Variants in PCDH17 observed in about 807,000 individuals in gnomAD.
PCDH17 encodes the protein protocadherin-17.
A neutral mutation model predicts 67.7 loss-of-function variants in PCDH17; 21 were observed. The observed-to-expected ratio is 0.31, with a 90% CI of 0.22 to 0.45. PCDH17 has a LOEUF of 0.45. Among genes scored for constraint, PCDH17 ranks in the 20% least tolerant of loss-of-function variants. The pLI is 1.00. For synonymous variants in PCDH17, 701 were observed against 656.7 expected (o/e 1.07, Z -1.03); for missense variants, 1,471 against 1,564.8 (o/e 0.94, Z 1.01).
chr13:57,712,767 T>A (rs1189345487), intron 3 of PCDH17, among the ~76,000 whole-genome samples: 1 of 151,670 alleles, frequency 6.6e-6, no homozygotes, highest in Non-Finnish European at 1.5e-5. Context: ...TATATTAATA[T>A]GAATTCCTTT....
At position 57,634,638 on chromosome 13, in the gene PCDH17, G is replaced by A. The variant is rs1156418250; in HGVS notation, c.2092G>A (p.Glu698Lys). Reference protein sequence around the residue: ...LPEGVPRVNGEQHHWDMSLPL... With the variant: ...LPEGVPRVNGKQHHWDMSLPL... ...CGAGGGGGTACCACGGGTGAATGGC[G>A]AGCAGCACCACTGGGACATGTCGCT... Residue 698 changes from glutamate (E) to lysine (K), a missense_variant, in exon 1 of 4, where the codon GAG becomes AAG. By Grantham distance (56) the Glu-to-Lys change is moderately conservative. Transcript: ENST00000377918. This position sits in a 1 kb window ranked among gnomAD's most constrained non-coding sequence, Gnocchi z 7.8. 1.2e-6 allele frequency: 2 copies of A among 1,613,408 alleles called. No homozygotes were observed. Among genetic ancestry groups the A allele is most frequent in the Non-Finnish European group, 1.7e-6 (2 of 1,180,004 alleles).
At chr13:57,631,709 G>A (rs945964135), upstream of PCDH17, 8 of 152,346 alleles carry the variant, frequency 5.3e-5, no homozygotes, top group African/African-American at 1.9e-4. Context: ...GGTGGGGAGA[G>A]GAAACTACAA....
At chr13:57,670,983 T>A (rs931612922) in intron 3 of PCDH17, among the ~76,000 whole-genome samples, 13 of 151,984 alleles carry the variant, frequency 8.6e-5, no homozygotes, top group African/African-American at 3.1e-4. Flanking sequence ...GATGTAATGT[T>A]AATAAACCCG....
In PCDH17 at chr13:57,686,436, T is replaced by C. The variant is rs541735971; in HGVS notation, c.2797+19603T>C. On this transcript the variant is annotated intron_variant, in intron 3 of 3. Transcript: ENST00000377918. Reference sequence around the variant, plus strand: ...GCATAACATAATTAATGCAGTAATTTAGGAAAGCTTTTGCAATGACTCTAC... The same window carrying C: ...GCATAACATAATTAATGCAGTAATTCAGGAAAGCTTTTGCAATGACTCTAC... Among the ~76,000 whole-genome samples the C allele has an allele frequency of 2.0e-3, 297 of 152,028 alleles. 2 individuals carry two copies. The highest frequency in any genetic ancestry group is 7.0e-3 in the African/African-American group (289 of 41,508).
Position 57,725,304 on chromosome 13 carries a change from A to AAG in PCDH17, c.*11_*12insGA, listed in dbSNP as rs1467238479. The AAG allele has an allele frequency of 6.3e-7, 1 of 1,585,832 alleles. No individual in the cohort carries two copies. The highest frequency in any genetic ancestry group is 1.9e-5 in the Admixed American group (1 of 53,976). On this transcript the variant is annotated 3_prime_UTR_variant, in exon 4 of 4. Transcript: ENST00000377918. ...GGCTGTGAGAAAGTGAAAAAAGAAA[A>AAG]AAAAAAAGGCATTGGCATTTTCTTG...
intron 1 of PCDH17, among the ~76,000 whole-genome samples, chr13:57,639,272 G>T (rs1402555345): frequency 6.6e-6 from 1 of 151,856 alleles, no homozygotes; most frequent in African/African-American, 2.4e-5. Flanking sequence ...GGCATTAAAA[G>T]TAGTGTAAAG....
At chr13:57,699,486 C>T (rs1413865693) in intron 3 of PCDH17, among the ~76,000 whole-genome samples, 1 of 152,008 alleles carries the variant, frequency 6.6e-6, no homozygotes, top group Non-Finnish European at 1.5e-5. Flanking sequence ...TTTGCACAGT[C>T]TCTTTGCATA....
At chr13:57,699,761 A>G (rs1325259007) in intron 3 of PCDH17, among the ~76,000 whole-genome samples, 1 of 152,020 alleles carries the variant, frequency 6.6e-6, no homozygotes, top group African/African-American at 2.4e-5. Flanking sequence ...GCATTTTTTC[A>G]TGTACATCGA....
chr13:57,685,749 C>A (rs1293058339), intron 3 of PCDH17, among the ~76,000 whole-genome samples: 2 of 151,610 alleles, frequency 1.3e-5, no homozygotes, highest in Non-Finnish European at 2.9e-5. Context: ...GATCCTAGAA[C>A]ACAAAAAGGA....
Position 57,718,539 on chromosome 13 carries a change from C to A in PCDH17, c.2798-6073C>A, listed in dbSNP as rs149660014. ...TTAAGGTACCATTTATATGGAATGA[C>A]TCACTCTATTATTATAACAAGTGTA... On this transcript the variant is annotated intron_variant, in intron 3 of 3. Coordinates refer to ENST00000377918, the MANE Select transcript of PCDH17 (RefSeq NM_001040429.3). Among the ~76,000 whole-genome samples the A allele has an allele frequency of 1.6e-3, 236 of 152,038 alleles. 1 individual carries two copies. The highest frequency in any genetic ancestry group is 5.4e-3 in the African/African-American group (223 of 41,508).
intron 3 of PCDH17, among the ~76,000 whole-genome samples, chr13:57,675,131 T>C (rs1219449019): frequency 6.6e-6 from 1 of 151,930 alleles, no homozygotes; most frequent in African/African-American, 2.4e-5. Flanking sequence ...TAAGTGGTCA[T>C]TTTTGAGAGC....
intron 3 of PCDH17, among the ~76,000 whole-genome samples, chr13:57,710,807 C>A (rs138463801): frequency 4.0e-5 from 6 of 151,892 alleles, no homozygotes; most frequent in African/African-American, 1.4e-4. Context: ...TTTATTCATG[C>A]CAGAGAAAGA....
In PCDH17 at chr13:57,727,416, TAA is replaced by T. The variant is rs1235871331; in HGVS notation, c.*2123_*2124del. 2 of 152,514 alleles carry T rather than the reference TAA, an allele frequency of 1.3e-5. No individual in the cohort carries two copies. The highest frequency in any genetic ancestry group is 2.4e-5 in the African/African-American group (1 of 41,476). 9.4% of individuals were successfully genotyped at this position (152,514 alleles called of 1,614,324 possible). On this transcript the variant is annotated 3_prime_UTR_variant, in exon 4 of 4. Transcript: ENST00000377918. Reference sequence around the variant, plus strand: ...AGCAAAAACAAACATTGAATTAAATTAAGTTTTGTAATTTTAAACTTTAAAAA... The same window carrying T: ...AGCAAAAACAAACATTGAATTAAATTGTTTTGTAATTTTAAACTTTAAAAA...
intron 1 of PCDH17, among the ~76,000 whole-genome samples, chr13:57,650,218 T>TTGTGTGTGTGTGTGTG (rs67398023): frequency 1.2e-3 from 162 of 137,558 alleles, no homozygotes; most frequent in African/African-American, 3.2e-3. Flanking sequence ...GGACCCTTGA[T>TTGTGTGTGTGTGTGTG]TGTGTGTGTG....
At chr13:57,700,239 A>G (rs1254979220) in intron 3 of PCDH17, among the ~76,000 whole-genome samples, 1 of 152,100 alleles carries the variant, frequency 6.6e-6, no homozygotes, top group Non-Finnish European at 1.5e-5. Context: ...TGAAAAATAA[A>G]CATATTTTAT....
chr13:57,702,199 G>A (rs1055276831), intron 3 of PCDH17, among the ~76,000 whole-genome samples: 11 of 152,098 alleles, frequency 7.2e-5, no homozygotes, highest in Non-Finnish European at 1.5e-4. Flanking sequence ...ATACAGGCGT[G>A]AGCCACCATG....
intron 3 of PCDH17, among the ~76,000 whole-genome samples, chr13:57,669,924 A>G (rs1955299697): frequency 6.6e-6 from 1 of 152,062 alleles, no homozygotes; most frequent in Non-Finnish European, 1.5e-5. Context: ...TCTCATATGC[A>G]TTGATTGAAC....
chr13:57,657,783 C>A lies in PCDH17; in HGVS notation c.2566-8685C>A, dbSNP rs1013870254. Among the ~76,000 whole-genome samples the A allele has an allele frequency of 3.3e-5, 5 of 152,132 alleles. No homozygotes were observed. The East Asian group carries it at 9.6e-4, about 29-fold the overall frequency. On this transcript the variant is annotated intron_variant, in intron 1 of 3. Transcript: ENST00000377918. ...TTTTTCAAAATTTTATTTCTGTGTA[C>A]CCCTGGATTAGGAAAACACTGAAAA...
intron 3 of PCDH17, among the ~76,000 whole-genome samples, chr13:57,667,902 A>C (rs976268959): frequency 3.4e-5 from 5 of 148,452 alleles, no homozygotes; most frequent in African/African-American, 7.3e-5. Flanking sequence ...TATTTTTTAA[A>C]ACAAAATTAA....
Sources: gnomAD v4.1 joint callset for allele counts (sites outside exome capture counted in the v4.1 genomes callset) on GRCh38, gnomAD v4.1.1 for gene constraint, Gnocchi (gnomAD v3.1) non-coding constraint, MANE v1.5 for transcripts, NCBI Gene and HGNC (gene_info 2026-07-23, HGNC 2026-07-21) for gene names.